Variants in PLCG2 observed in about 807,000 individuals in gnomAD.
PLCG2 encodes phospholipase C gamma 2.
In PLCG2, 69 loss-of-function variants were observed where a neutral mutation model predicts 175.6. That is an observed-to-expected ratio of 0.39 (90% CI 0.32 to 0.48). PLCG2 has a LOEUF of 0.48. Among genes scored for constraint, PLCG2 ranks in the 20% least tolerant of loss-of-function variants. The pLI is 0.91. For missense variants in PLCG2, 1,798 were observed against 1,650.9 expected (o/e 1.09, Z -1.54); for synonymous variants, 827 against 624.0 (o/e 1.33, Z -4.85).
intron 31 of PLCG2, among the ~76,000 whole-genome samples, chr16:81,950,530 TAAGA>T (rs1911325309): frequency 6.6e-6 from 1 of 152,210 alleles, no homozygotes. Flanking sequence ...TAATTTGCCT[TAAGA>T]AATATACAAC....
chr16:81,861,268 A>G (rs1478166146), intron 5 of PLCG2, among the ~76,000 whole-genome samples: 2 of 152,164 alleles, frequency 1.3e-5, no homozygotes, highest in African/African-American at 2.4e-5. Context: ...TCATTATCCT[A>G]GTTAATATCC....
chr16:81,859,210 C>T (rs754028366), intron 5 of PLCG2, 47 bp downstream of exon 5: 9 of 1,260,856 alleles, frequency 7.1e-6, no homozygotes, highest in Middle Eastern at 1.9e-4. Flanking sequence ...TTTCGATCCT[C>T]ATTCTATCTT....
chr16:81,751,088 C>T (rs962979859), intron 1 of PLCG2, among the ~76,000 whole-genome samples: 2 of 142,348 alleles, frequency 1.4e-5, no homozygotes, highest in African/African-American at 5.2e-5. Context: ...TTAAGTGATT[C>T]TCCTGCCTCA....
chr16:81,901,584 C>A (rs1206042993), intron 14 of PLCG2, among the ~76,000 whole-genome samples: 2 of 152,044 alleles, frequency 1.3e-5, no homozygotes, highest in African/African-American at 4.8e-5. Flanking sequence ...TGAACTTCAA[C>A]AGAAAAAAAA....
At chr16:81,776,133 G>T (rs1229579876), upstream of PLCG2, among the ~76,000 whole-genome samples, 1 of 20,640 alleles carries the variant, frequency 4.8e-5, no homozygotes, top group African/African-American at 1.2e-4. Flanking sequence ...TTTTTTGACG[G>T]AGTCTCACTC....
At chr16:81,927,480 C>A (rs998439637) in intron 23 of PLCG2, among the ~76,000 whole-genome samples, 2 of 152,202 alleles carry the variant, frequency 1.3e-5, no homozygotes, top group Non-Finnish European at 2.9e-5. Flanking sequence ...TTTGCTTAAG[C>A]AACTTGCAGA....
chr16:81,823,944 C>T (rs1178678329), intron 2 of PLCG2, among the ~76,000 whole-genome samples: 1 of 145,770 alleles, frequency 6.9e-6, no homozygotes, highest in Non-Finnish European at 1.5e-5. Flanking sequence ...TCCTCCCTTC[C>T]TCCTTTCCCT....
intron 2 of PLCG2, among the ~76,000 whole-genome samples, chr16:81,844,916 A>G (rs1906034177): frequency 1.3e-5 from 2 of 152,096 alleles, no homozygotes; most frequent in Admixed American, 1.3e-4. Context: ...CACAGCAAAT[A>G]AATTGAGACA....
At chr16:81,946,635 T>C (rs557936278) in intron 31 of PLCG2, among the ~76,000 whole-genome samples, 1 of 152,248 alleles carries the variant, frequency 6.6e-6, no homozygotes, top group South Asian at 2.1e-4. Flanking sequence ...TATCAAAAAG[T>C]CTGATAGCCT....
chr16:81,757,058 C>T (rs1909943571), intron 2 of PLCG2, among the ~76,000 whole-genome samples: 2 of 152,160 alleles, frequency 1.3e-5, no homozygotes, highest in South Asian at 2.1e-4. Flanking sequence ...AGCTCAGATG[C>T]TGCTGGAATG....
chr16:81,938,751 G>A lies in PLCG2; in HGVS notation c.3199-50G>A, dbSNP rs753254325. ...ACCCAGCTGCAATCCACGCTAGGCT[G>A]CCTGTTCAGGACCCCAGGGGGGTTC... On this transcript the variant is annotated intron_variant, in intron 28 of 32. Transcript: ENST00000564138. 197 of 1,095,386 alleles carry A rather than the reference G, an allele frequency of 1.8e-4. 1 individual carries two copies. Among genetic ancestry groups the A allele is most frequent in the Non-Finnish European group, 2.6e-4 (186 of 721,360 alleles). The allele number at this position is 1,095,386 out of a possible 1,614,324, so 67.9% of individuals were successfully genotyped here.
chr16:81,931,052 C>T (rs1045172259), intron 24 of PLCG2, among the ~76,000 whole-genome samples: 1 of 152,102 alleles, frequency 6.6e-6, no homozygotes, highest in Non-Finnish European at 1.5e-5. Flanking sequence ...ATGTCTATAA[C>T]TAAAGTGGAC....
At chr16:81,831,447 C>T (rs950410060) in intron 2 of PLCG2, among the ~76,000 whole-genome samples, 1 of 152,244 alleles carries the variant, frequency 6.6e-6, no homozygotes, top group Non-Finnish European at 1.5e-5. Flanking sequence ...TGGCCATGAA[C>T]TTGGTCTCCT....
At chr16:81,774,979 C>T (rs189956269), upstream of PLCG2, among the ~76,000 whole-genome samples, 3 of 152,216 alleles carry the variant, frequency 2.0e-5, no homozygotes, top group East Asian at 5.8e-4. Flanking sequence ...CTCCTGGGCT[C>T]AAGTGGTCCA....
intron 1 of PLCG2, among the ~76,000 whole-genome samples, chr16:81,747,701 A>G (rs1909731914): frequency 6.6e-6 from 1 of 152,194 alleles, no homozygotes; most frequent in Non-Finnish European, 1.5e-5. Flanking sequence ...TCTATATAAT[A>G]TTCTTGCAAA....
Position 81,891,357 on chromosome 16 carries a change from G to GT in PLCG2, c.868-113dup. The GT allele has an allele frequency of 7.0e-6, 5 of 714,064 alleles. No homozygotes were observed. The East Asian group carries it at 1.2e-4, about 18-fold the overall frequency. 44.2% of individuals were successfully genotyped at this position (714,064 alleles called of 1,614,324 possible). Reference sequence around the variant, plus strand: ...GGTAACTGAGGTCTGGAGACCGCCTGTTGATTTCCCGCATCAGAGCTGTTC... The same window carrying GT: ...GGTAACTGAGGTCTGGAGACCGCCTGTTTGATTTCCCGCATCAGAGCTGTTC... On this transcript the variant is annotated intron_variant, in intron 10 of 32. Coordinates refer to ENST00000564138, the MANE Select transcript of PLCG2 (RefSeq NM_002661.5).
chr16:81,879,754 A>C (rs542504631), intron 7 of PLCG2, among the ~76,000 whole-genome samples: 2 of 152,312 alleles, frequency 1.3e-5, no homozygotes, highest in African/African-American at 2.4e-5. Flanking sequence ...GTGGGTGTGC[A>C]GGGTGCCTGT....
rs1311449666 is a variant in PLCG2 at position 81,907,702 on chromosome 16, C to G, written c.1485C>G (p.Tyr495Ter). Residue 495 changes from tyrosine to a stop codon, truncating the protein, a stop_gained, in exon 16 of 33, where the codon TAC becomes TAG. Transcript: ENST00000564138. LOFTEE classifies it high-confidence loss of function. Reference protein sequence around the residue: ...DSIDQKWTRHYCAIADAKLSF... With the variant: ...DSIDQKWTRH ...CTTTCTAGAAATGGACTCGGCACTA[C>G]TGCGCCATTGCCGATGCCAAGCTGT... 6.2e-7 allele frequency: 1 copy of G among 1,613,540 alleles called. No individual in the cohort carries two copies. The highest frequency in any genetic ancestry group is 1.3e-5 in the African/African-American group (1 of 75,062).
intron 1 of PLCG2, among the ~76,000 whole-genome samples, chr16:81,742,805 G>A (rs1909624189): frequency 6.6e-6 from 1 of 152,190 alleles, no homozygotes; most frequent in Non-Finnish European, 1.5e-5. Context: ...GACTTCCTCA[G>A]GTTCTGGGAC....
Sources: allele counts gnomAD v4.1 joint callset (sites outside exome capture counted in the v4.1 genomes callset), GRCh38; gene constraint gnomAD v4.1.1; transcripts MANE v1.5; gene names NCBI Gene and HGNC (gene_info 2026-07-23, HGNC 2026-07-21).